The following CYP4F11 variants were observed in gnomAD, a reference collection of about 807,000 sequenced individuals.
CYP4F11 encodes the protein cytochrome P450 4F11.
A neutral mutation model predicts 62.2 loss-of-function variants in CYP4F11; 79 were observed. The observed-to-expected ratio is 1.27, with a 90% CI of 1.06 to 1.53. The LOEUF (loss-of-function observed/expected upper bound fraction) is 1.53. Ranked by LOEUF, CYP4F11 falls within the 40% of genes most tolerant of loss-of-function variation. The probability of loss-of-function intolerance (pLI) is 0.00; values close to 1 mark genes in which losing one functional copy is unlikely to be tolerated. For synonymous variants in CYP4F11, 290 were observed against 263.7 expected (o/e 1.10, Z -0.97); for missense variants, 777 against 680.5 (o/e 1.14, Z -1.58).
At chr19:15,920,242 TAA>T (rs1568482402) in intron 8 of CYP4F11, among the ~76,000 whole-genome samples, 1 of 152,000 alleles carries the variant, frequency 6.6e-6, no homozygotes, top group Admixed American at 6.5e-5. Flanking sequence ...ACTCATTTTC[TAA>T]AACTCATATT....
At chr19:15,923,231 C>A (rs2089641803) in intron 6 of CYP4F11, among the ~76,000 whole-genome samples, 1 of 145,722 alleles carries the variant, frequency 6.9e-6, no homozygotes, top group Admixed American at 7.0e-5. Context: ...CAGAACAAAG[C>A]AAACATCCTC....
chr19:15,914,014 A>G, intron 11 of CYP4F11, 105 bp from the exon 12 acceptor site: 2 of 1,375,982 alleles, frequency 1.5e-6, no homozygotes, highest in South Asian at 2.8e-5. Flanking sequence ...CATAGGCTTG[A>G]GGGGCAGAAA....
intron 8 of CYP4F11, among the ~76,000 whole-genome samples, chr19:15,916,542 T>C (rs2089584736): frequency 6.6e-6 from 1 of 152,132 alleles, no homozygotes; most frequent in Non-Finnish European, 1.5e-5. Flanking sequence ...AAGGGACTAG[T>C]ATCAAGAATC....
rs1267442123 is a variant in CYP4F11 at position 15,922,033 on chromosome 19, T to C, written c.1115+4A>G. 2 of 1,598,532 alleles carry C rather than the reference T, an allele frequency of 1.3e-6. No homozygotes were observed. The highest frequency in any genetic ancestry group is 1.7e-6 in the Non-Finnish European group (2 of 1,173,076). On this transcript the variant is annotated splice_donor_region_variant and intron_variant, in intron 8 of 11. Transcript: ENST00000402119. The stretch of plus-strand genomic sequence containing the variant: ...ATCAGGAACAGGCCAGCACCTGCAC[T>C]CACCATTCAATCTCTATAGGTTCAC...
At chr19:15,919,521 T>TGATAGAC (rs1555777249) in intron 8 of CYP4F11, among the ~76,000 whole-genome samples, 1 of 146,074 alleles carries the variant, frequency 6.8e-6, no homozygotes, top group Non-Finnish European at 1.5e-5. Flanking sequence ...GATAGATAGA[T>TGATAGAC]AGACAGATAG....
intron 4 of CYP4F11, 35 bp downstream of exon 4, chr19:15,927,177 G>A: frequency 2.5e-6 from 4 of 1,606,390 alleles, no homozygotes; most frequent in Non-Finnish European, 3.4e-6. Context: ...TCTACCCCAA[G>A]GCTCCAGCTG....
At chr19:15,925,335 CT>C (rs2089660693) in intron 4 of CYP4F11, among the ~76,000 whole-genome samples, 2 of 152,122 alleles carry the variant, frequency 1.3e-5, no homozygotes, top group Admixed American at 1.3e-4. Context: ...CAACCAAAGC[CT>C]CATGGGGTTA....
intron 8 of CYP4F11, among the ~76,000 whole-genome samples, chr19:15,921,515 C>G (rs1042415370): frequency 6.6e-6 from 1 of 152,222 alleles, no homozygotes; most frequent in Non-Finnish European, 1.5e-5. Flanking sequence ...TGGATTCTTC[C>G]AAGCTCTCCA....
chr19:15,920,670 C>T (rs749917804), intron 8 of CYP4F11, among the ~76,000 whole-genome samples: 3 of 152,148 alleles, frequency 2.0e-5, no homozygotes, highest in Non-Finnish European at 4.4e-5. Context: ...AATGTCCTTC[C>T]CTGGGACTTC....
intron 8 of CYP4F11, among the ~76,000 whole-genome samples, chr19:15,919,489 T>TAGA (rs1280505896): frequency 3.6e-5 from 4 of 111,262 alleles, no homozygotes; most frequent in Non-Finnish European, 7.9e-5. Context: ...GATAGATAGA[T>TAGA]AGATAGATAG....
intron 4 of CYP4F11, among the ~76,000 whole-genome samples, chr19:15,926,381 T>C (rs1347012006): frequency 6.6e-6 from 1 of 152,208 alleles, no homozygotes; most frequent in East Asian, 1.9e-4. Flanking sequence ...CCTTGCAGAA[T>C]CCATGAAGTA....
At chr19:15,925,248 C>T (rs998101423) in intron 4 of CYP4F11, among the ~76,000 whole-genome samples, 2 of 152,150 alleles carry the variant, frequency 1.3e-5, no homozygotes, top group Non-Finnish European at 2.9e-5. Flanking sequence ...TCGTAGCTCA[C>T]TTACTATCTG....
chr19:15,927,232 T>G lies in CYP4F11; in HGVS notation c.505A>C (p.Lys169Gln). ...ILKPYMKIFN[K>Q]SVNIMHDKWQ... The stretch of plus-strand genomic sequence containing the variant: ...CTCACGTGCATGATGTTCACACTCT[T>G]GTTGAAAATCTTCATATAAGGCTTC... Residue 169 changes from lysine (K) to glutamine (Q), a missense_variant, in exon 4 of 12, where the codon AAG (lysine) becomes CAG (glutamine). Physicochemically the swap from Lys to Gln is moderately conservative, Grantham distance 53. Coordinates refer to ENST00000402119, the MANE Select transcript of CYP4F11 (RefSeq NM_021187.4). 9.3e-6 allele frequency: 15 copies of G among 1,614,086 alleles called. No homozygotes were observed. Among genetic ancestry groups the G allele is most frequent in the Non-Finnish European group, 1.2e-5 (14 of 1,179,990 alleles).
intron 8 of CYP4F11, among the ~76,000 whole-genome samples, chr19:15,920,940 T>C (rs2089621373): frequency 6.6e-6 from 1 of 152,016 alleles, no homozygotes; most frequent in African/African-American, 2.4e-5. Context: ...CTCCATTCTC[T>C]TTTTATGACC....
intron 2 of CYP4F11, 95 bp downstream of exon 2, chr19:15,929,362 G>A: frequency 6.6e-7 from 1 of 1,517,938 alleles, no homozygotes; most frequent in Non-Finnish European, 9.1e-7. Flanking sequence ...AGGGGCCTGG[G>A]CCCTGCAGGG....
At position 15,934,256 on chromosome 19, in the gene CYP4F11, A is replaced by G; in HGVS notation, c.153T>C (p.Phe51=). The change falls in exon 1 of 12, where the codon TTT becomes TTC. Residue 51 remains phenylalanine (F), a synonymous_variant. Coordinates refer to ENST00000402119, the MANE Select transcript of CYP4F11 (RefSeq NM_021187.4). Reference sequence around the variant, plus strand: ...ACCAGTTCTGTTTCGGGGGTTGAGGAAAACACTGGAGGCGGCGGCAGTTGT... The same window carrying G: ...ACCAGTTCTGTTTCGGGGGTTGAGGGAAACACTGGAGGCGGCGGCAGTTGT... ...FYDNCRRLQC[F]PQPPKQNWFW... The G allele has an allele frequency of 3.1e-6, 5 of 1,613,746 alleles. No individual in the cohort carries two copies. Among genetic ancestry groups the G allele is most frequent in the Non-Finnish European group, 4.2e-6 (5 of 1,179,786 alleles).
chr19:15,924,063 C>A lies in CYP4F11; in HGVS notation c.667G>T (p.Ala223Ser). 1 of 1,613,862 alleles carries A rather than the reference C, an allele frequency of 6.2e-7. No homozygotes were observed. The highest frequency in any genetic ancestry group is 8.5e-7 in the Non-Finnish European group (1 of 1,179,786). The change falls in exon 6 of 12, where the codon GCC (alanine) becomes TCC (serine). Residue 223 changes from alanine (A) to serine (S), a missense_variant. Ala to Ser is a moderately conservative substitution (Grantham distance 99). Coordinates refer to ENST00000402119, the MANE Select transcript of CYP4F11 (RefSeq NM_021187.4). ...NCQEKPSEYI[A>S]AILELSAFVE... ...AAGGCACTGAGCTCCAAGATGGCGGCAATATATTCACTGGGCTTCCTGCAT... is the reference window on the plus strand; with the variant it reads ...AAGGCACTGAGCTCCAAGATGGCGGAAATATATTCACTGGGCTTCCTGCAT...
chr19:15,927,612 A>G, intron 2 of CYP4F11, 129 bp from the exon 3 acceptor site: 2 of 1,260,782 alleles, frequency 1.6e-6, no homozygotes, highest in South Asian at 1.3e-5. Flanking sequence ...AAGAAGGCCA[A>G]GGGTAGAGGA....
chr19:15,913,751 A>G lies in CYP4F11; in HGVS notation c.1556T>C (p.Leu519Pro), dbSNP rs779842231. Residue 519 changes from leucine (L) to proline (P), a missense_variant, in exon 12 of 12, where the codon CTG becomes CCG. By Grantham distance (98) the Leu-to-Pro change is moderately conservative. Coordinates refer to ENST00000402119, the MANE Select transcript of CYP4F11 (RefSeq NM_021187.4). ...EGGLWLRVEP[L>P]GANSQ ...GGACAGTCACTGTGAGTTCGCACCC[A>G]GGGGCTCCACCCGCAGCCAAAGTCC... 6.2e-7 allele frequency: 1 copy of G among 1,614,008 alleles called. No homozygotes were observed. The highest frequency in any genetic ancestry group is 1.3e-5 in the African/African-American group (1 of 74,922).
Sources: allele counts gnomAD v4.1 joint callset (sites outside exome capture counted in the v4.1 genomes callset), GRCh38; gene constraint gnomAD v4.1.1; transcripts MANE v1.5; gene names NCBI Gene and HGNC (gene_info 2026-07-23, HGNC 2026-07-21).